SNTG2: variants seen among roughly 807,000 people sequenced by gnomAD.
SNTG2 encodes the protein gamma-2-syntrophin.
In SNTG2, 74 loss-of-function variants were observed where a neutral mutation model predicts 70.9. That is an observed-to-expected ratio of 1.04 (90% confidence interval 0.86 to 1.27). The LOEUF (loss-of-function observed/expected upper bound fraction) is 1.27. Ranked by LOEUF, SNTG2 falls within the 50% of genes most tolerant of loss-of-function variation. The probability of loss-of-function intolerance (pLI) is 0.00; values close to 1 mark genes in which losing one functional copy is unlikely to be tolerated. For synonymous variants in SNTG2, 278 were observed against 273.8 expected, an observed-to-expected ratio of 1.02 and a Z score of -0.15; for missense variants, 717 against 690.7, an observed-to-expected ratio of 1.04 and a Z score of -0.43.
At chr2:1,227,692 G>A (rs1474312947) in intron 9 of SNTG2, among the ~76,000 whole-genome samples, 1 of 152,204 alleles carries the variant, frequency 6.6e-6, no homozygotes, top group South Asian at 2.1e-4. Context: ...AGGTAGCACT[G>A]GCCTGTTGCG....
chr2:1,287,631 C>T (rs761419586), intron 14 of SNTG2, among the ~76,000 whole-genome samples: 2 of 152,170 alleles, frequency 1.3e-5, no homozygotes, highest in African/African-American at 2.4e-5. Flanking sequence ...CTGATGGTGA[C>T]GCTGAACGAG....
intron 1 of SNTG2, among the ~76,000 whole-genome samples, chr2:992,604 A>G (rs1328421893): frequency 1.3e-5 from 2 of 152,208 alleles, no homozygotes; most frequent in East Asian, 1.9e-4. Context: ...TAACTTTGGA[A>G]TATCTTCCCA....
At position 982,686 on chromosome 2, in the gene SNTG2, G is replaced by A. The variant is rs566376471; in HGVS notation, c.72+31618G>A. Among the ~76,000 whole-genome samples, 19 of 152,332 alleles carry A rather than the reference G, an allele frequency of 1.2e-4. No individual in the cohort carries two copies. The East Asian group carries it at 2.9e-3, about 23-fold the overall frequency. ...AAGAAGCAGCGTGGACAGGACTCCC[G>A]TGGGCAGGGCCCCTGTCACTGTGCC... On this transcript the variant is annotated intron_variant, in intron 1 of 16. Transcript: ENST00000308624.
intron 16 of SNTG2, among the ~76,000 whole-genome samples, chr2:1,357,275 C>A (rs1660902211): frequency 6.6e-6 from 1 of 152,086 alleles, no homozygotes; most frequent in Non-Finnish European, 1.5e-5. Context: ...TGATGTTAGT[C>A]ATGGACTTTT....
rs1224863183 is a variant in SNTG2, at chr2:1,032,825, T to C, written c.73-50693T>C. Among the ~76,000 whole-genome samples, 12 of 152,130 alleles carry C rather than the reference T, an allele frequency of 7.9e-5. 1 individual carries two copies. Among genetic ancestry groups the C allele is most frequent in the Admixed American group, 7.9e-4 (12 of 15,282 alleles). On this transcript the variant is annotated intron_variant, in intron 1 of 16. Coordinates refer to ENST00000308624, the MANE Select transcript of SNTG2 (RefSeq NM_018968.4). ...ATCTACCCTTGGTCACTGTGTTAGA[T>C]CATTCTTGTGTCACTATAAAGAAAT...
rs1304062514 is a variant in SNTG2, at chr2:1,255,839, TATAA to T, written c.1006-3527_1006-3524del. On this transcript the variant is annotated intron_variant, in intron 12 of 16. Transcript: ENST00000308624. ...TTGTATGTATATATATATAAATATA[TATAA>T]ATATATATAAATATATATAAATATA... Among the ~76,000 whole-genome samples the T allele has an allele frequency of 1.3e-3, 55 of 41,002 alleles. 1 individual carries two copies. Among genetic ancestry groups the T allele is most frequent in the African/African-American group, 7.1e-3 (52 of 7,302 alleles). The allele number at this position is 41,002 out of a possible 152,430, so 26.9% of individuals were successfully genotyped here.
Position 1,058,046 on chromosome 2 carries a change from A to G in SNTG2, c.73-25472A>G, listed in dbSNP as rs1558350753. 4.6e-5 allele frequency among the ~76,000 whole-genome samples: 7 copies of G among 152,230 alleles called. No individual in the cohort carries two copies. The South Asian group carries it at 8.3e-4, about 18-fold the overall frequency. On this transcript the variant is annotated intron_variant, in intron 1 of 16. Transcript: ENST00000308624. ...TATCTCAAAAAGACAAAAAATAAAA[A>G]GCTTTAAAAAATTATATTTGAATTA...
intron 9 of SNTG2, among the ~76,000 whole-genome samples, chr2:1,214,055 A>G (rs1674216396): frequency 6.6e-6 from 1 of 152,120 alleles, no homozygotes; most frequent in African/African-American, 2.4e-5. Context: ...AAATCAATTG[A>G]CCATAGATCT....
chr2:1,015,239 T>C (rs1225053660), intron 1 of SNTG2, among the ~76,000 whole-genome samples: 26 of 152,064 alleles, frequency 1.7e-4, no homozygotes, highest in Non-Finnish European at 5.9e-5. Flanking sequence ...AAGAAGTAAA[T>C]GGATTCAAGA....
intron 1 of SNTG2, among the ~76,000 whole-genome samples, chr2:997,357 A>G (rs1310121387): frequency 6.6e-6 from 1 of 152,068 alleles, no homozygotes; most frequent in Non-Finnish European, 1.5e-5. Context: ...AGAATGGACC[A>G]TGATTTCCAG....
At position 1,165,641 on chromosome 2, in the gene SNTG2, TG is replaced by T; in HGVS notation, c.499+9del. 9.3e-6 allele frequency: 15 copies of T among 1,608,584 alleles called. No individual in the cohort carries two copies. The highest frequency in any genetic ancestry group is 1.3e-5 in the Non-Finnish European group (15 of 1,177,546). On this transcript the variant is annotated splice_region_variant and intron_variant, in intron 7 of 16. Transcript: ENST00000308624. ...ATTTCTGAAGCTCCCGTTAGGTAAG[TG>T]GGAAGAGGAGAAATGCCAGGGTGCT... is the stretch of plus-strand genomic sequence containing the variant.
chr2:1,162,710 C>T (rs557070206), intron 6 of SNTG2, among the ~76,000 whole-genome samples: 168 of 152,248 alleles, frequency 1.1e-3, no homozygotes, highest in African/African-American at 3.9e-3. Context: ...AGGAGAGCCT[C>T]GGTTCTACTT....
chr2:1,123,146 G>T (rs1015937128), intron 4 of SNTG2, among the ~76,000 whole-genome samples: 14 of 152,072 alleles, frequency 9.2e-5, no homozygotes, highest in Admixed American at 4.6e-4. Context: ...ATGAGCCAAA[G>T]TTATATATAG....
chr2:1,046,753 A>T (rs1661759492), intron 1 of SNTG2, among the ~76,000 whole-genome samples: 1 of 152,062 alleles, frequency 6.6e-6, no homozygotes, highest in African/African-American at 2.4e-5. Context: ...TTCTCTTTGT[A>T]GGGGATCTTC....
chr2:1,272,337 T>A (rs1346312022), intron 14 of SNTG2, among the ~76,000 whole-genome samples: 7 of 148,942 alleles, frequency 4.7e-5, no homozygotes, highest in African/African-American at 1.5e-4. Flanking sequence ...CACAATAGGG[T>A]TCCCGCTCCT....
At chr2:1,183,045 G>A (rs951217666) in intron 8 of SNTG2, among the ~76,000 whole-genome samples, 1 of 152,160 alleles carries the variant, frequency 6.6e-6, no homozygotes, top group Non-Finnish European at 1.5e-5. Flanking sequence ...ATGAGCCATG[G>A]CACCTGACCT....
At chr2:1,126,887 T>C (rs1007038838) in intron 4 of SNTG2, among the ~76,000 whole-genome samples, 3 of 152,222 alleles carry the variant, frequency 2.0e-5, no homozygotes, top group African/African-American at 7.2e-5. Context: ...AAATGAATAG[T>C]TTGAAAATAT....
chr2:1,244,516 G>A (rs957114021), intron 11 of SNTG2, among the ~76,000 whole-genome samples: 16 of 151,962 alleles, frequency 1.1e-4, no homozygotes, highest in Non-Finnish European at 2.9e-5. Flanking sequence ...CTAACACGGT[G>A]AAACCCTGTC....
chr2:1,054,012 G>A (rs1662228636), intron 1 of SNTG2, among the ~76,000 whole-genome samples: 1 of 150,098 alleles, frequency 6.7e-6, no homozygotes, highest in Non-Finnish European at 1.5e-5. Context: ...CAGGATTACA[G>A]GGATTTAACC....
Sources: allele counts gnomAD v4.1 joint callset (sites outside exome capture counted in the v4.1 genomes callset), GRCh38; gene constraint gnomAD v4.1.1; transcripts MANE v1.5; gene names NCBI Gene and HGNC (gene_info 2026-07-23, HGNC 2026-07-21).